The following KIF25 variants were observed in gnomAD, a reference collection of about 807,000 sequenced individuals.
KIF25 encodes the protein kinesin family member 25.
A neutral mutation model predicts 32.9 loss-of-function variants in KIF25; 19 were observed. The observed-to-expected ratio is 0.58, with a 90% CI of 0.40 to 0.85. The LOEUF (loss-of-function observed/expected upper bound fraction) is 0.85, where lower values mean the gene tolerates loss of function less well. KIF25 is among the 40% of genes least tolerant of loss of function. KIF25 has a pLI of 0.00. For synonymous variants in KIF25, 225 were observed against 213.7 expected, an observed-to-expected ratio of 1.05 and a Z score of -0.46; for missense variants, 485 against 507.0, an observed-to-expected ratio of 0.96 and a Z score of 0.42.
intron 6 of KIF25, 24 bp downstream of exon 6, chr6:168,029,701 G>A (rs773452111): frequency 3.1e-6 from 5 of 1,596,236 alleles, no homozygotes; most frequent in South Asian, 1.1e-5. Flanking sequence ...TGAGAAGCAG[G>A]CCAGGCCTGG....
chr6:168,023,299 G>A (rs932590384), intron 5 of KIF25, among the ~76,000 whole-genome samples: 1 of 95,442 alleles, frequency 1.0e-5, no homozygotes, highest in Non-Finnish European at 2.0e-5. Flanking sequence ...GAGGAGTCTT[G>A]TTCTGTTGCC....
At chr6:168,044,713 GGC>G (rs1799192273) in intron 12 of KIF25, 112 bp from the exon 13 acceptor site, 2 of 1,108,036 alleles carry the variant, frequency 1.8e-6, no homozygotes, top group Non-Finnish European at 2.6e-6. Flanking sequence ...TTCCCGCTGG[GGC>G]GCCGGGCGGC....
At chr6:168,004,647 G>A (rs1194785970) in intron 4 of KIF25, among the ~76,000 whole-genome samples, 1 of 152,194 alleles carries the variant, frequency 6.6e-6, no homozygotes, top group African/African-American at 2.4e-5. Flanking sequence ...CTCAGAGGAT[G>A]CTGGTCAGGG....
At chr6:168,038,824 C>A in intron 9 of KIF25, 95 bp downstream of exon 9, 2 of 1,256,578 alleles carry the variant, frequency 1.6e-6, no homozygotes, top group Non-Finnish European at 2.2e-6. Flanking sequence ...TCTAAACGAG[C>A]TCCCCACGCC....
rs202244742 is a variant in KIF25, at chr6:168,030,823, C to T, written c.143C>T (p.Pro48Leu). The part of the protein sequence containing the change: ...SQSAVFGDVC[P>L]LLTSLLDGYN... The stretch of plus-strand genomic sequence containing the variant: ...AGCGCGGTCTTTGGAGATGTGTGCC[C>T]CCTACTCACTTCTCTCTTGGATGGG... Residue 48 changes from proline (P) to leucine (L), a missense_variant, in exon 7 of 13, where the codon CCC becomes CTC. Pro to Leu is a moderately conservative substitution (Grantham distance 98). Coordinates refer to ENST00000643607, the MANE Select transcript of KIF25 (RefSeq NM_030615.4). 6.2e-7 allele frequency: 1 copy of T among 1,613,078 alleles called. No individual in the cohort carries two copies.
At chr6:168,001,049 C>T (rs1798494059) in intron 2 of KIF25, among the ~76,000 whole-genome samples, 1 of 152,198 alleles carries the variant, frequency 6.6e-6, no homozygotes. Flanking sequence ...ATTGTGCTGG[C>T]TCTAGTACTT....
chr6:168,021,462 C>T (rs531115746), intron 5 of KIF25, among the ~76,000 whole-genome samples: 4 of 152,340 alleles, frequency 2.6e-5, no homozygotes, highest in African/African-American at 9.6e-5. Flanking sequence ...AGTTTACATA[C>T]TGTGCTAACC....
At chr6:168,020,661 C>T (rs1335050946) in intron 5 of KIF25, among the ~76,000 whole-genome samples, 6 of 151,996 alleles carry the variant, frequency 3.9e-5, no homozygotes, top group Non-Finnish European at 5.9e-5. Flanking sequence ...TGCAGGCAGC[C>T]TCTAAGTTAC....
At chr6:168,011,247 T>G (rs1409613015) in intron 4 of KIF25, among the ~76,000 whole-genome samples, 1 of 152,186 alleles carries the variant, frequency 6.6e-6, no homozygotes, top group African/African-American at 2.4e-5. Context: ...GTAGTGAGTC[T>G]GATTCCTTTT....
intron 5 of KIF25, among the ~76,000 whole-genome samples, chr6:168,028,525 G>A (rs1346988465): frequency 9.9e-5 from 15 of 152,184 alleles, no homozygotes; most frequent in African/African-American, 3.1e-4. Flanking sequence ...GTCTGAGCCC[G>A]TCCCATCCCA....
intron 8 of KIF25, among the ~76,000 whole-genome samples, chr6:168,038,150 C>T (rs1311078564): frequency 1.3e-5 from 2 of 152,188 alleles, no homozygotes; most frequent in South Asian, 4.2e-4. Flanking sequence ...AATAAACAAA[C>T]CCCATCACTG....
At chr6:168,041,484 A>G (rs904808766) in intron 10 of KIF25, among the ~76,000 whole-genome samples, 1 of 152,226 alleles carries the variant, frequency 6.6e-6, no homozygotes, top group Admixed American at 6.5e-5. Context: ...AATTGTGTAT[A>G]CTTTCTATGT....
intron 2 of KIF25, among the ~76,000 whole-genome samples, chr6:168,001,749 G>A (rs1386400289): frequency 4.6e-5 from 4 of 86,636 alleles, no homozygotes; most frequent in South Asian, 4.3e-4. Context: ...ACCTTCAGGC[G>A]TAGCCTCGGG....
At chr6:168,019,668 A>G (rs1798762043) in intron 5 of KIF25, among the ~76,000 whole-genome samples, 1 of 152,190 alleles carries the variant, frequency 6.6e-6, no homozygotes, top group Admixed American at 6.5e-5. Context: ...CACACTTGAA[A>G]TGGTGAAAAT....
At chr6:168,040,712 A>G (rs542740494) in intron 10 of KIF25, among the ~76,000 whole-genome samples, 22 of 152,322 alleles carry the variant, frequency 1.4e-4, no homozygotes, top group Middle Eastern at 6.8e-3. Flanking sequence ...CAGGCTGAGA[A>G]GAAAAAGTGA....
At chr6:168,029,930 A>G (rs1267461355) in intron 6 of KIF25, among the ~76,000 whole-genome samples, 1 of 152,176 alleles carries the variant, frequency 6.6e-6, no homozygotes, top group Admixed American at 6.5e-5. Flanking sequence ...GAAGTGGATC[A>G]ACTGAGCGTC....
At chr6:168,030,267 A>G (rs754727180) in intron 6 of KIF25, among the ~76,000 whole-genome samples, 1 of 152,232 alleles carries the variant, frequency 6.6e-6, no homozygotes, top group African/African-American at 2.4e-5. Context: ...GGCCTAGGAA[A>G]ACAAGATTTT....
At chr6:168,028,340 G>A (rs928794195) in intron 5 of KIF25, among the ~76,000 whole-genome samples, 21 of 152,028 alleles carry the variant, frequency 1.4e-4, no homozygotes, top group South Asian at 2.1e-4. Context: ...GTGAGCCATC[G>A]TGCCCGGCCT....
rs1312740878 is a variant in KIF25, at chr6:168,042,619, T to G, written c.888T>G (p.Leu296=). The G allele has an allele frequency of 1.9e-6, 3 of 1,613,980 alleles. No homozygotes were observed. ...AGATGGCGTGCATCAGCCGCAGCCT[T>G]GCGGCCCTGGCAGGCGTCCTGGGGG... ...LREMACISRS[L]AALAGVLGAL... The change falls in exon 12 of 13, where the codon CTT becomes CTG. Residue 296 remains leucine (L), a synonymous_variant. Transcript: ENST00000643607.
Sources: gnomAD v4.1 joint callset for allele counts (sites outside exome capture counted in the v4.1 genomes callset) on GRCh38, gnomAD v4.1.1 for gene constraint, MANE v1.5 for transcripts, NCBI Gene and HGNC (gene_info 2026-07-23, HGNC 2026-07-21) for gene names.